The following VWF variants were observed in gnomAD, a reference collection of about 807,000 sequenced individuals.
VWF encodes Factor VIII related antigen.
A neutral mutation model predicts 308.6 loss-of-function variants in VWF; 176 were observed. The observed-to-expected ratio is 0.57, with a 90% CI of 0.50 to 0.65. VWF has a LOEUF of 0.65. VWF is among the 30% of genes least tolerant of loss of function. The pLI, the probability that VWF is intolerant of heterozygous loss-of-function variation, is 0.00. For synonymous variants in VWF, 1,385 were observed against 1,443.4 expected (o/e 0.96, Z 0.92); for missense variants, 3,146 against 3,648.2 (o/e 0.86, Z 3.55).
intron 47 of VWF, among the ~76,000 whole-genome samples, chr12:5,964,703 G>A (rs553484577): frequency 2.0e-4 from 31 of 152,318 alleles, no homozygotes; most frequent in African/African-American, 6.5e-4. Context: ...TGAACTTGGC[G>A]TGTCTTCAGG....
intron 6 of VWF, among the ~76,000 whole-genome samples, chr12:6,090,975 C>T (rs1057087111): frequency 5.0e-4 from 76 of 152,328 alleles, no homozygotes; most frequent in African/African-American, 1.7e-3. Context: ...ACCCTCCCCT[C>T]ACGTGCTAGA....
chr12:6,022,109 G>A, intron 26 of VWF, 74 bp from the exon 27 acceptor site: 4 of 1,607,086 alleles, frequency 2.5e-6, no homozygotes, highest in Non-Finnish European at 3.4e-6. Flanking sequence ...TTAACTAAAA[G>A]GGAGGAGCCA....
Position 6,058,087 on chromosome 12 carries a change from G to A in VWF, c.1534-43C>T. 1.2e-6 allele frequency: 2 copies of A among 1,609,226 alleles called. No homozygotes were observed. The highest frequency in any genetic ancestry group is 1.7e-6 in the Non-Finnish European group (2 of 1,177,610). ...CCACTCTGGAGCCGCTGCCGCGAAAGCAGCGGCATAGTTGTTTAGCTAATG... is the reference window on the plus strand; with the variant it reads ...CCACTCTGGAGCCGCTGCCGCGAAAACAGCGGCATAGTTGTTTAGCTAATG... On this transcript the variant is annotated intron_variant, in intron 13 of 51. Coordinates refer to ENST00000261405, the MANE Select transcript of VWF (RefSeq NM_000552.5). The surrounding 1 kb of genome is among the most constrained non-coding windows in gnomAD (Gnocchi z 4.9).
chr12:5,953,481 T>C lies in VWF; in HGVS notation c.7986+15A>G. ...GGTGATATGTGAGGGAGCCCTGCAT[T>C]CAGCTTGCTCCTACCTTCAGTGTCA... On this transcript the variant is annotated intron_variant, in intron 48 of 51. Transcript: ENST00000261405. 3.1e-6 allele frequency: 5 copies of C among 1,610,488 alleles called. No individual in the cohort carries two copies. The highest frequency in any genetic ancestry group is 4.2e-6 in the Non-Finnish European group (5 of 1,176,652).
At chr12:6,021,539 A>G (rs1944128912) in intron 27 of VWF, 2 of 234,076 alleles carry the variant, frequency 8.5e-6, no homozygotes, top group African/African-American at 2.3e-5. Flanking sequence ...CCTCCAGTAT[A>G]TGGACACCTG....
chr12:6,014,524 T>C (rs1944036743), intron 31 of VWF, among the ~76,000 whole-genome samples: 1 of 152,172 alleles, frequency 6.6e-6, no homozygotes, highest in Admixed American at 6.5e-5. Context: ...GATGGAGCTA[T>C]AGTTTGTTCG....
chr12:6,028,377 A>C (rs898272143), intron 22 of VWF, among the ~76,000 whole-genome samples: 2 of 152,212 alleles, frequency 1.3e-5, no homozygotes, highest in Middle Eastern at 3.2e-3. Context: ...AGAAAAGTTG[A>C]TATTGTCATT....
intron 34 of VWF, among the ~76,000 whole-genome samples, chr12:6,003,588 A>G (rs1943895437): frequency 6.6e-6 from 1 of 152,200 alleles, no homozygotes; most frequent in Non-Finnish European, 1.5e-5. Context: ...AAGCAGAATA[A>G]GCCAGTCGCA....
chr12:5,965,182 C>G (rs1943387606), intron 47 of VWF, among the ~76,000 whole-genome samples: 1 of 152,216 alleles, frequency 6.6e-6, no homozygotes, highest in Non-Finnish European at 1.5e-5. Flanking sequence ...GCCTCTTCCT[C>G]CTCCTGCTGA....
At chr12:5,985,433 G>A in intron 39 of VWF, 130 bp downstream of exon 39, 1 of 1,057,720 alleles carries the variant, frequency 9.5e-7, no homozygotes, top group Non-Finnish European at 1.4e-6. Context: ...GGGCAAGGAA[G>A]CCCACCCACT....
In VWF at chr12:5,993,919, C is replaced by A. The variant is rs771544504; in HGVS notation, c.6541G>T (p.Ala2181Ser). The stretch of plus-strand genomic sequence containing the variant: ...ACCCCGTTGGTCCGACAGAGGTGGG[C>A]ATAAGAGGCGATCACCTCACACACT... ...EQVCEVIASY[A>S]HLCRTNGVCV... Residue 2181 changes from alanine (A) to serine (S), a missense_variant, in exon 37 of 52, where the codon GCC becomes TCC. This residue lies in a region of VWF where 989 missense variants were observed against 1,117.4 expected (regional missense o/e 0.89). Transcript: ENST00000261405. The A allele has an allele frequency of 3.1e-6, 5 of 1,613,990 alleles. No individual in the cohort carries two copies. In the Admixed American group the frequency reaches 8.3e-5, roughly 27 times the overall value.
chr12:6,080,061 G>T (rs1457556169), intron 6 of VWF, among the ~76,000 whole-genome samples: 1 of 151,734 alleles, frequency 6.6e-6, no homozygotes, highest in Non-Finnish European at 1.5e-5. Flanking sequence ...CCACACTTCA[G>T]ATCAAGAGCC....
intron 8 of VWF, among the ~76,000 whole-genome samples, chr12:6,073,021 C>A (rs1944798470): frequency 6.6e-6 from 1 of 152,126 alleles, no homozygotes; most frequent in South Asian, 2.1e-4. Flanking sequence ...TGTGCACCAC[C>A]ACCCCCAGCT....
chr12:6,019,786 C>A lies in VWF; in HGVS notation c.3675-43G>T. 6.4e-7 allele frequency: 1 copy of A among 1,568,200 alleles called. No individual in the cohort carries two copies. Among genetic ancestry groups the A allele is most frequent in the Non-Finnish European group, 8.6e-7 (1 of 1,157,832 alleles). On this transcript the variant is annotated intron_variant, in intron 27 of 51. Coordinates refer to ENST00000261405, the MANE Select transcript of VWF (RefSeq NM_000552.5). The surrounding 1 kb of genome is among the most constrained non-coding windows in gnomAD (Gnocchi z 5.8). ...GAAATTAAAATGGTTCAGGAAGAAC[C>A]TGTGGACACTTCTGAGCCCTACAGT...
At chr12:6,054,898 G>C (rs554718522) in intron 15 of VWF, among the ~76,000 whole-genome samples, 1 of 152,324 alleles carries the variant, frequency 6.6e-6, no homozygotes, top group Admixed American at 6.5e-5. Flanking sequence ...TCCAAGTCAA[G>C]AAAAGATTGG....
intron 37 of VWF, 41 bp from the exon 38 acceptor site, chr12:5,992,059 A>G: frequency 6.3e-7 from 1 of 1,588,702 alleles, no homozygotes; most frequent in Non-Finnish European, 8.6e-7. Flanking sequence ...GGCCCACACC[A>G]GCCAGAGTGA....
chr12:5,976,247 C>T lies in VWF; in HGVS notation c.7301G>A (p.Arg2434Gln), dbSNP rs370600984. 10 of 1,613,988 alleles carry T rather than the reference C, an allele frequency of 6.2e-6. No individual in the cohort carries two copies. In the African/African-American group the frequency reaches 8.0e-5, roughly 13 times the overall value. ...CTGGCCCACAGGGTAGATGGTGCTTCGGTGGACACACACCTGTAGACATAA... is the reference window on the plus strand; with the variant it reads ...CTGGCCCACAGGGTAGATGGTGCTTTGGTGGACACACACCTGTAGACATAA... ...TCLPDKVCVH[R>Q]STIYPVGQFW... Residue 2434 changes from arginine to glutamine, a missense_variant, in exon 43 of 52, where the codon CGA becomes CAA. By Grantham distance (43) the Arg-to-Gln change is conservative. Transcript: ENST00000261405.
chr12:6,057,521 T>TA (rs1038095653), intron 14 of VWF, among the ~76,000 whole-genome samples: 6 of 138,360 alleles, frequency 4.3e-5, no homozygotes, highest in African/African-American at 1.6e-4. Flanking sequence ...TTATTATTAT[T>TA]ATTATTTTAA....
intron 16 of VWF, among the ~76,000 whole-genome samples, chr12:6,049,641 G>A (rs1425865128): frequency 6.6e-6 from 1 of 152,226 alleles, no homozygotes; most frequent in Non-Finnish European, 1.5e-5. Flanking sequence ...ATTTAGGAAA[G>A]TGATAGTCTC....
Sources: gnomAD v4.1 joint callset for allele counts (sites outside exome capture counted in the v4.1 genomes callset) on GRCh38, gnomAD v4.1.1 for gene constraint, gnomAD v4.1.1 regional missense constraint, Gnocchi (gnomAD v3.1) non-coding constraint, MANE v1.5 for transcripts, NCBI Gene and HGNC (gene_info 2026-07-23, HGNC 2026-07-21) for gene names.